The following GLIS3 variants were observed in gnomAD, a reference collection of about 807,000 sequenced individuals.
GLIS3 encodes the protein zinc finger protein GLIS3.
A neutral mutation model predicts 78.6 loss-of-function variants in GLIS3; 53 were observed. The observed-to-expected ratio is 0.67, with a 90% confidence interval of 0.54 to 0.85. The LOEUF (loss-of-function observed/expected upper bound fraction) is 0.85. Ranked by LOEUF, GLIS3 falls within the 40% of genes least tolerant of loss-of-function variation. The pLI is 0.00. For synonymous variants in GLIS3, 684 were observed against 509.9 expected, an observed-to-expected ratio of 1.34 and a Z score of -4.60; for missense variants, 1,703 against 1,231.1, an observed-to-expected ratio of 1.38 and a Z score of -5.74.
intron 2 of GLIS3, among the ~76,000 whole-genome samples, chr9:4,251,637 A>G (rs1045173960): frequency 2.0e-5 from 3 of 152,232 alleles, no homozygotes; most frequent in East Asian, 1.9e-4. Flanking sequence ...GTGTGAATTT[A>G]ATCCTGTCAT....
At chr9:4,399,197 G>T in the GLIS3 span, among the ~76,000 whole-genome samples, 1 of 152,148 alleles carries the variant, frequency 6.6e-6, no homozygotes, top group African/African-American at 2.4e-5. Context: ...AAATGTTTGG[G>T]ATGATGGATA....
chr9:4,104,853 T>C (rs1830635270), intron 4 of GLIS3, among the ~76,000 whole-genome samples: 1 of 152,242 alleles, frequency 6.6e-6, no homozygotes, highest in African/African-American at 2.4e-5. Flanking sequence ...GGGTCTGATC[T>C]GTTCCCTGCT....
the GLIS3 span, among the ~76,000 whole-genome samples, chr9:4,480,562 C>T: frequency 2.6e-5 from 4 of 152,128 alleles, no homozygotes; most frequent in African/African-American, 9.7e-5. Context: ...CAATAATCCT[C>T]TTTCCTGTAC....
intron 2 of GLIS3, among the ~76,000 whole-genome samples, chr9:4,243,073 T>TA (rs1278153697): frequency 1.3e-5 from 2 of 152,192 alleles, no homozygotes; most frequent in African/African-American, 4.8e-5. Flanking sequence ...GGTTCTACAT[T>TA]AGAGATTCCA....
rs12350017 is a variant in GLIS3, at chr9:4,055,924, G to C, written c.1710+61844C>G. ...TCGATGGCAGTGACGGAGGAAGGAA[G>C]GAAGTCTATATTCTGAAAAGGGTAA... On this transcript the variant is annotated intron_variant, in intron 4 of 10. Coordinates refer to ENST00000381971, the MANE Select transcript of GLIS3 (RefSeq NM_001042413.2). Among the ~76,000 whole-genome samples, 451 of 152,326 alleles carry C rather than the reference G, an allele frequency of 3.0e-3. 3 individuals are homozygous for C. Among genetic ancestry groups the C allele is most frequent in the African/African-American group, 0.011 (439 of 41,572 alleles).
At chr9:4,163,584 G>C (rs1490150263) in intron 2 of GLIS3, among the ~76,000 whole-genome samples, 53 of 152,244 alleles carry the variant, frequency 3.5e-4, no homozygotes, top group Admixed American at 3.5e-3. Context: ...CAGCATGGCA[G>C]TTTGGAGTGT....
At chr9:4,479,210 G>A in the GLIS3 span, among the ~76,000 whole-genome samples, 2 of 152,170 alleles carry the variant, frequency 1.3e-5, no homozygotes, top group African/African-American at 4.8e-5. Context: ...ATAGGCATGA[G>A]CCACTGCACC....
chr9:4,373,434 TTCTGATAGAGTTGA>T, the GLIS3 span, among the ~76,000 whole-genome samples: 2 of 152,172 alleles, frequency 1.3e-5, no homozygotes, highest in Admixed American at 1.3e-4. Flanking sequence ...TTCCACATGG[TTCTGATAGAGTTGA>T]TCCACATCCA....
At chr9:3,992,573 G>A (rs985657974) in intron 4 of GLIS3, among the ~76,000 whole-genome samples, 3 of 152,136 alleles carry the variant, frequency 2.0e-5, no homozygotes, top group African/African-American at 7.2e-5. Context: ...AACTCAATAT[G>A]AACAACTGTA....
At chr9:4,447,642 G>T in the GLIS3 span, among the ~76,000 whole-genome samples, 1 of 152,154 alleles carries the variant, frequency 6.6e-6, no homozygotes, top group East Asian at 1.9e-4. Flanking sequence ...ACCTCAGTCT[G>T]CTTCTAGACT....
At chr9:3,931,461 T>G (rs958675757) in intron 6 of GLIS3, among the ~76,000 whole-genome samples, 1 of 152,082 alleles carries the variant, frequency 6.6e-6, no homozygotes, top group South Asian at 2.1e-4. Context: ...TGCCCTTAAA[T>G]TTGTTATAAA....
intron 2 of GLIS3, among the ~76,000 whole-genome samples, chr9:4,165,162 C>A (rs915674767): frequency 6.6e-6 from 1 of 152,138 alleles, no homozygotes. Context: ...CATTCCTGGC[C>A]GAGCACGATG....
At chr9:4,451,315 T>C in the GLIS3 span, among the ~76,000 whole-genome samples, 2 of 152,154 alleles carry the variant, frequency 1.3e-5, no homozygotes, top group African/African-American at 4.8e-5. Flanking sequence ...TAAATATATA[T>C]AGACCCAATG....
rs116418733 is a variant in GLIS3 at position 4,011,667 on chromosome 9, G to A, written c.1711-74478C>T. On this transcript the variant is annotated intron_variant, in intron 4 of 10. Transcript: ENST00000381971. The stretch of plus-strand genomic sequence containing the variant: ...GTCCAGCTAACCTCACTGAATAGGA[G>A]GGAGTTGCCCTATGATCTTTATTTT... Among the ~76,000 whole-genome samples, 6 of 152,150 alleles carry A rather than the reference G, an allele frequency of 3.9e-5. No individual in the cohort carries two copies. The South Asian group carries it at 1.2e-3, about 32-fold the overall frequency.
chr9:4,437,070 T>C, the GLIS3 span, among the ~76,000 whole-genome samples: 2 of 152,056 alleles, frequency 1.3e-5, no homozygotes, highest in Non-Finnish European at 2.9e-5. Context: ...TGGAACAGCA[T>C]CAGGGTATGA....
chr9:4,248,179 G>A (rs1823987250), intron 2 of GLIS3, among the ~76,000 whole-genome samples: 2 of 152,102 alleles, frequency 1.3e-5, no homozygotes, highest in Admixed American at 1.3e-4. Context: ...ATAATGGTTT[G>A]CTGCACCCGT....
intron 4 of GLIS3, among the ~76,000 whole-genome samples, chr9:3,947,175 ATGGACT>A (rs1448859711): frequency 2.6e-5 from 4 of 152,238 alleles, no homozygotes; most frequent in African/African-American, 9.6e-5. Flanking sequence ...CCTGTTGGCA[ATGGACT>A]TGGCTGCCCA....
chr9:4,459,708 T>A, the GLIS3 span, among the ~76,000 whole-genome samples: 3 of 152,194 alleles, frequency 2.0e-5, no homozygotes, highest in South Asian at 6.2e-4. Context: ...AAGTGAACCA[T>A]GAGCCCAGGA....
intron 4 of GLIS3, among the ~76,000 whole-genome samples, chr9:4,066,616 A>T (rs1827120423): frequency 6.6e-6 from 1 of 152,194 alleles, no homozygotes; most frequent in Non-Finnish European, 1.5e-5. Flanking sequence ...ATCAGTTGTC[A>T]AATTATTGAC....
Sources: gnomAD v4.1 joint callset for allele counts (sites outside exome capture counted in the v4.1 genomes callset) on GRCh38, gnomAD v4.1.1 for gene constraint, MANE v1.5 for transcripts, NCBI Gene and HGNC (gene_info 2026-07-23, HGNC 2026-07-21) for gene names.